Variants in LRMDA observed in about 807,000 individuals in gnomAD.
LRMDA encodes leucine rich melanocyte differentiation associated, also known as leucine-rich melanocyte differentiation-associated protein.
Under a neutral mutation model 29.8 loss-of-function variants are expected in LRMDA, and 18 were observed. The observed-to-expected ratio is 0.60, with a 90% CI of 0.42 to 0.90. LRMDA has a LOEUF of 0.90. Among genes scored for constraint, LRMDA ranks in the 40% least tolerant of loss-of-function variants. The probability of loss-of-function intolerance (pLI) is 0.00; values close to 1 mark genes in which losing one functional copy is unlikely to be tolerated. For missense variants in LRMDA, 273 were observed against 273.9 expected, an observed-to-expected ratio of 1.00 and a Z score of 0.02; for synonymous variants, 125 against 109.4, an observed-to-expected ratio of 1.14 and a Z score of -0.89.
intron 2 of LRMDA, among the ~76,000 whole-genome samples, chr10:76,027,028 C>A (rs1848074081): frequency 6.6e-6 from 1 of 152,196 alleles, no homozygotes; most frequent in Non-Finnish European, 1.5e-5. Flanking sequence ...CATTCTGGAA[C>A]CCTGTAGGCT....
intron 2 of LRMDA, among the ~76,000 whole-genome samples, chr10:75,478,817 T>G (rs574673763): frequency 7.2e-5 from 11 of 152,264 alleles, no homozygotes; most frequent in African/African-American, 2.6e-4. Flanking sequence ...TGTGTAACAG[T>G]GATGGTGAGT....
At chr10:75,926,603 G>A (rs1028856066) in intron 2 of LRMDA, among the ~76,000 whole-genome samples, 1 of 152,184 alleles carries the variant, frequency 6.6e-6, no homozygotes, top group African/African-American at 2.4e-5. Context: ...AATTAGTGGG[G>A]TCTTCACCTG....
At chr10:75,855,670 T>A (rs1844813118) in intron 2 of LRMDA, among the ~76,000 whole-genome samples, 1 of 152,196 alleles carries the variant, frequency 6.6e-6, no homozygotes, top group African/African-American at 2.4e-5. Flanking sequence ...ATTGCCTAGG[T>A]TTTCTTCTAG....
chr10:75,884,092 A>G (rs1845339175), intron 2 of LRMDA, among the ~76,000 whole-genome samples: 1 of 151,862 alleles, frequency 6.6e-6, no homozygotes, highest in South Asian at 2.1e-4. Context: ...ATACGTGAAC[A>G]TTTGTATATT....
chr10:76,153,551 A>G (rs1256953855), intron 5 of LRMDA, among the ~76,000 whole-genome samples: 1 of 152,176 alleles, frequency 6.6e-6, no homozygotes, highest in Non-Finnish European at 1.5e-5. Context: ...CAGTTCTCCC[A>G]GTATTATATG....
intron 2 of LRMDA, among the ~76,000 whole-genome samples, chr10:75,750,981 T>G (rs925041898): frequency 6.6e-6 from 1 of 152,116 alleles, no homozygotes; most frequent in Admixed American, 6.5e-5. Context: ...GAGGTGGAGT[T>G]TGTAGCCAGC....
chr10:75,541,070 G>A (rs1840009726), intron 2 of LRMDA, among the ~76,000 whole-genome samples: 1 of 152,088 alleles, frequency 6.6e-6, no homozygotes, highest in Non-Finnish European at 1.5e-5. Context: ...AGTTGTTGCA[G>A]GAATGAGAAC....
At chr10:75,620,820 G>A (rs77956905) in intron 2 of LRMDA, among the ~76,000 whole-genome samples, 8,009 of 152,134 alleles carry the variant, frequency 0.053, 267 homozygotes, top group Non-Finnish European at 0.077. Flanking sequence ...TTGCCATTTT[G>A]TTTTTGCTTT....
chr10:76,033,995 A>C (rs2132504454), intron 2 of LRMDA, among the ~76,000 whole-genome samples: 1 of 152,058 alleles, frequency 6.6e-6, no homozygotes, highest in South Asian at 2.1e-4. Context: ...AAAAAAAAAC[A>C]GCGTATGCTA....
chr10:75,451,744 C>T (rs1300979718), intron 2 of LRMDA: 1 of 152,092 alleles, frequency 6.6e-6, no homozygotes, highest in African/African-American at 2.4e-5. Flanking sequence ...AAAAGAGAGA[C>T]TTTAAATGCC....
At chr10:76,088,171 C>T (rs566353618) in intron 5 of LRMDA, among the ~76,000 whole-genome samples, 34 of 152,102 alleles carry the variant, frequency 2.2e-4, no homozygotes, top group Middle Eastern at 3.2e-3. Context: ...AACAGTGGCA[C>T]CTAAACCTGG....
intron 5 of LRMDA, among the ~76,000 whole-genome samples, chr10:76,144,929 C>T (rs944700433): frequency 1.3e-5 from 2 of 152,096 alleles, no homozygotes; most frequent in Non-Finnish European, 1.5e-5. Context: ...TCAAAGGCCT[C>T]TTCTGCATCT....
At chr10:76,124,682 G>A (rs538783978) in intron 5 of LRMDA, among the ~76,000 whole-genome samples, 46 of 152,310 alleles carry the variant, frequency 3.0e-4, no homozygotes, top group African/African-American at 1.1e-3. Flanking sequence ...TAGGGTTTGG[G>A]TCAATGCCCT....
chr10:75,557,300 C>T (rs1224905124), intron 2 of LRMDA, among the ~76,000 whole-genome samples: 4 of 142,424 alleles, frequency 2.8e-5, no homozygotes, highest in Non-Finnish European at 4.6e-5. Context: ...GGAGACAGAG[C>T]GAGACTCTGT....
intron 5 of LRMDA, among the ~76,000 whole-genome samples, chr10:76,309,117 G>T (rs947540361): frequency 3.9e-5 from 6 of 152,188 alleles, no homozygotes; most frequent in Admixed American, 2.6e-4. Context: ...CCTTTTCGAG[G>T]CAAAGATGGA....
chr10:76,044,447 T>A (rs1308039656), intron 3 of LRMDA, among the ~76,000 whole-genome samples: 2 of 151,718 alleles, frequency 1.3e-5, no homozygotes, highest in Non-Finnish European at 2.9e-5. Context: ...TTGTTTTTTT[T>A]TTTTTTTTTC....
At chr10:75,676,356 A>T (rs906474784) in intron 2 of LRMDA, among the ~76,000 whole-genome samples, 5 of 152,196 alleles carry the variant, frequency 3.3e-5, no homozygotes, top group African/African-American at 1.2e-4. Context: ...CTTAAACTAA[A>T]CGATAGTTTG....
chr10:76,252,912 A>G (rs576110085), intron 5 of LRMDA, among the ~76,000 whole-genome samples: 3 of 152,328 alleles, frequency 2.0e-5, no homozygotes, highest in African/African-American at 7.2e-5. Flanking sequence ...GCAGGAATTC[A>G]TATTGATATT....
At chr10:75,496,563 A>G (rs957256728) in intron 2 of LRMDA, among the ~76,000 whole-genome samples, 3 of 152,114 alleles carry the variant, frequency 2.0e-5, no homozygotes, top group African/African-American at 7.2e-5. Context: ...CTTTTTGTGC[A>G]TGGCTAGAGA....
Sources: gnomAD v4.1 joint callset for allele counts (sites outside exome capture counted in the v4.1 genomes callset) on GRCh38, gnomAD v4.1.1 for gene constraint, MANE v1.5 for transcripts, NCBI Gene and HGNC (gene_info 2026-07-23, HGNC 2026-07-21) for gene names.